Variants in CRISPLD2 observed in about 807,000 individuals in gnomAD.
The protein encoded by CRISPLD2 is cysteine-rich secretory protein LCCL domain-containing 2.
In CRISPLD2, 47 loss-of-function variants were observed where a neutral mutation model predicts 71.1. That is an observed-to-expected ratio of 0.66 (90% CI 0.52 to 0.84). The LOEUF (loss-of-function observed/expected upper bound fraction) is 0.84. Among genes scored for constraint, CRISPLD2 ranks in the 40% least tolerant of loss-of-function variants. The pLI is 0.00. For missense variants in CRISPLD2, 830 were observed against 651.1 expected, an observed-to-expected ratio of 1.27 and a Z score of -2.99; for synonymous variants, 317 against 250.1, an observed-to-expected ratio of 1.27 and a Z score of -2.52.
chr16:84,857,455 A>G (rs1917272324), intron 6 of CRISPLD2, among the ~76,000 whole-genome samples: 1 of 152,178 alleles, frequency 6.6e-6, no homozygotes, highest in Non-Finnish European at 1.5e-5. Context: ...TTTCCCAGTC[A>G]TGCTTCTTCC....
chr16:84,900,418 A>C (rs2071743115), intron 14 of CRISPLD2, among the ~76,000 whole-genome samples: 1 of 152,150 alleles, frequency 6.6e-6, no homozygotes, highest in African/African-American at 2.4e-5. Context: ...AATGGTGACT[A>C]GGCTGTTAAT....
chr16:84,889,727 C>T (rs931789817), intron 14 of CRISPLD2, among the ~76,000 whole-genome samples: 5 of 149,036 alleles, frequency 3.4e-5, no homozygotes, highest in South Asian at 4.3e-4. Flanking sequence ...GATTTCTTGG[C>T]GTGCGTCCTT....
chr16:84,884,047 G>T (rs1237787073), intron 13 of CRISPLD2, among the ~76,000 whole-genome samples: 2 of 152,090 alleles, frequency 1.3e-5, no homozygotes, highest in African/African-American at 4.8e-5. Flanking sequence ...GTTTCTCCAT[G>T]TTGGCCAGGT....
chr16:84,898,520 C>T (rs764985840), intron 14 of CRISPLD2, among the ~76,000 whole-genome samples: 1 of 152,186 alleles, frequency 6.6e-6, no homozygotes, highest in Admixed American at 6.5e-5. Context: ...CTGTTTTAGA[C>T]TGAAATGGCC....
intron 6 of CRISPLD2, among the ~76,000 whole-genome samples, chr16:84,863,850 C>G (rs1284431367): frequency 6.6e-6 from 1 of 151,320 alleles, no homozygotes; most frequent in South Asian, 2.1e-4. Flanking sequence ...TGCCTGTAAT[C>G]CCAGGCTGAG....
intron 6 of CRISPLD2, among the ~76,000 whole-genome samples, chr16:84,862,543 T>A (rs1256661736): frequency 1.3e-5 from 2 of 152,100 alleles, no homozygotes; most frequent in South Asian, 4.1e-4. Flanking sequence ...TCTGCTACTA[T>A]AAATAACACA....
At chr16:84,906,285 C>G (rs539540593) in intron 14 of CRISPLD2, among the ~76,000 whole-genome samples, 1 of 152,140 alleles carries the variant, frequency 6.6e-6, no homozygotes, top group South Asian at 2.1e-4. Context: ...AAGCAGAATT[C>G]TCGGAGGGTG....
At chr16:84,862,279 TG>T (rs1392494709) in intron 6 of CRISPLD2, among the ~76,000 whole-genome samples, 3 of 152,082 alleles carry the variant, frequency 2.0e-5, no homozygotes, top group Admixed American at 2.0e-4. Flanking sequence ...CTTGGCTCAC[TG>T]CAGCCTCAAC....
At chr16:84,861,228 G>C (rs144900472) in intron 6 of CRISPLD2, among the ~76,000 whole-genome samples, 4,499 of 152,174 alleles carry the variant, frequency 0.03, 201 homozygotes, top group African/African-American at 0.1. Flanking sequence ...TAAAACCAAT[G>C]AAAGAACTCC....
At chr16:84,891,407 G>C (rs2071661608) in intron 14 of CRISPLD2, among the ~76,000 whole-genome samples, 2 of 152,246 alleles carry the variant, frequency 1.3e-5, no homozygotes, top group South Asian at 2.1e-4. Flanking sequence ...CGGGACCCCT[G>C]CCCGGTGACT....
At chr16:84,856,802 C>G (rs908300086) in intron 6 of CRISPLD2, among the ~76,000 whole-genome samples, 1 of 152,206 alleles carries the variant, frequency 6.6e-6, no homozygotes, top group East Asian at 1.9e-4. Context: ...CATGGTAAAA[C>G]CAGTGAATTC....
intron 8 of CRISPLD2, among the ~76,000 whole-genome samples, chr16:84,872,185 G>A (rs374129430): frequency 5.0e-4 from 76 of 152,240 alleles, no homozygotes; most frequent in Admixed American, 2.2e-3. Flanking sequence ...TAAGGGACTC[G>A]AGCATCTGCA....
chr16:84,838,822 C>A (rs774475322), intron 2 of CRISPLD2, 87 bp downstream of exon 2: 2 of 1,503,770 alleles, frequency 1.3e-6, no homozygotes, highest in Non-Finnish European at 1.8e-6. Context: ...AGCTCTGTTC[C>A]CCAGCCAGTG....
At chr16:84,865,964 C>G (rs1387722560) in intron 6 of CRISPLD2, among the ~76,000 whole-genome samples, 1 of 152,156 alleles carries the variant, frequency 6.6e-6, no homozygotes, top group Admixed American at 6.5e-5. Flanking sequence ...TTGGATAGTT[C>G]TACATGTTGA....
chr16:84,905,835 G>C (rs538025006), intron 14 of CRISPLD2, among the ~76,000 whole-genome samples: 215 of 150,366 alleles, frequency 1.4e-3, no homozygotes, highest in South Asian at 0.011. Context: ...TCAGCCTCCC[G>C]AGTAGCTGGG....
At chr16:84,883,285 A>G (rs562620842) in intron 13 of CRISPLD2, among the ~76,000 whole-genome samples, 1 of 152,256 alleles carries the variant, frequency 6.6e-6, no homozygotes, top group East Asian at 1.9e-4. Flanking sequence ...TGATTTTGGG[A>G]GAGTTGCCTC....
intron 1 of CRISPLD2, among the ~76,000 whole-genome samples, chr16:84,826,055 G>T (rs927175315): frequency 6.6e-6 from 1 of 152,218 alleles, no homozygotes; most frequent in African/African-American, 2.4e-5. Flanking sequence ...AAGCTGTGGG[G>T]TGGGGCTGGC....
At chr16:84,871,118 T>C (rs1215569748) in intron 8 of CRISPLD2, among the ~76,000 whole-genome samples, 3 of 152,126 alleles carry the variant, frequency 2.0e-5, no homozygotes, top group Non-Finnish European at 1.5e-5. Flanking sequence ...TTTCTTGACT[T>C]TTTGCTTGGA....
At chr16:84,844,250 C>G (rs756537463) in intron 2 of CRISPLD2, among the ~76,000 whole-genome samples, 1 of 152,218 alleles carries the variant, frequency 6.6e-6, no homozygotes, top group Non-Finnish European at 1.5e-5. Flanking sequence ...TCTGCCCAGA[C>G]CCCTGCTCAG....
Sources: allele counts gnomAD v4.1 joint callset (sites outside exome capture counted in the v4.1 genomes callset), GRCh38; gene constraint gnomAD v4.1.1; transcripts MANE v1.5; gene names NCBI Gene and HGNC (gene_info 2026-07-23, HGNC 2026-07-21).